Variants in TNXB observed in about 807,000 individuals in gnomAD.
The protein encoded by TNXB is tenascin-X.
A neutral mutation model predicts 340.5 loss-of-function variants in TNXB; 183 were observed. The observed-to-expected ratio is 0.54, with a 90% CI of 0.48 to 0.61. The LOEUF (loss-of-function observed/expected upper bound fraction) is 0.61, where lower values mean the gene tolerates loss of function less well. Ranked by LOEUF, TNXB falls within the 20% of genes least tolerant of loss-of-function variation. The probability of loss-of-function intolerance (pLI) is 0.00; values close to 1 mark genes in which losing one functional copy is unlikely to be tolerated. For synonymous variants in TNXB, 2,121 were observed against 2,314.5 expected, an observed-to-expected ratio of 0.92 and a Z score of 2.40; for missense variants, 4,613 against 5,446.4, an observed-to-expected ratio of 0.85 and a Z score of 4.82.
rs746868657 is a variant in TNXB, at chr6:32,082,110, T to C, written c.3662A>G (p.His1221Arg). Residue 1221 changes from histidine (H) to arginine (R), a missense_variant, in exon 9 of 44, where the codon CAC (histidine) becomes CGC (arginine). His to Arg is a conservative substitution (Grantham distance 29). Transcript: ENST00000644971. This position sits in a 1 kb window ranked among gnomAD's most constrained non-coding sequence, Gnocchi z 5.0. The part of the protein sequence containing the change: ...SFVVSSLDPD[H>R]KYRFTLFGIA... ...TCCAAACAGAGTGAATCTGTACTTG[T>C]GGTCAGGGTCCAGTGAGGAGACAAC... The C allele has an allele frequency of 6.2e-7, 1 of 1,611,216 alleles. No homozygotes were observed. Among genetic ancestry groups the C allele is most frequent in the Non-Finnish European group, 8.5e-7 (1 of 1,178,966 alleles).
Position 32,079,271 on chromosome 6 carries a change from T to G in TNXB, c.4137A>C (p.Thr1379=). ...SPEEPLLGEL[T]VTGSSPDSLS... is the part of the protein sequence containing the mutation. ...GCGAATCAGGGGAGGATCCTGTCAC[T>G]GTCAGCTCCCCCAGGAGCGGCTCCT... The change falls in exon 11 of 44, where the codon ACA becomes ACC. Residue 1379 remains threonine (T), a synonymous_variant. Coordinates refer to ENST00000644971, the MANE Select transcript of TNXB (RefSeq NM_001365276.2). This position sits in a 1 kb window ranked among gnomAD's most constrained non-coding sequence, Gnocchi z 7.1. The G allele has an allele frequency of 6.2e-7, 1 of 1,613,366 alleles. No individual in the cohort carries two copies. Among genetic ancestry groups the G allele is most frequent in the Non-Finnish European group, 8.5e-7 (1 of 1,179,844 alleles).
In TNXB at chr6:32,048,649, C is replaced by A; in HGVS notation, c.9759G>T (p.Ala3253=). Residue 3253 remains alanine (A), a splice_region_variant and synonymous_variant, in exon 29 of 44, where the codon GCG becomes GCT. Transcript: ENST00000644971. The part of the protein sequence containing the change: ...VGPVSTVGIT[A]PLPTPLPVEP... ...CCACCGGCAGTGGTGTGGGCAGGGG[C>A]GCTGAAAAGAGCAGAGCAGGCCCAT... 6.8e-7 allele frequency: 1 copy of A among 1,468,188 alleles called. No individual in the cohort carries two copies. Among genetic ancestry groups the A allele is most frequent in the Non-Finnish European group, 9.1e-7 (1 of 1,103,678 alleles). The allele number at this position is 1,468,188 out of a possible 1,614,324, so 90.9% of individuals were successfully genotyped here.
Position 32,087,134 on chromosome 6 carries a change from C to A in TNXB, c.2780-1016G>T. 2.4e-6 allele frequency: 1 copy of A among 415,508 alleles called. No homozygotes were observed. The highest frequency in any genetic ancestry group is 2.5e-5 in the Admixed American group (1 of 39,930). 25.7% of individuals were successfully genotyped at this position (415,508 alleles called of 1,614,324 possible). A position where few individuals can be genotyped will look rare whatever the true frequency, so the allele number is the denominator to read the frequency against. ...CCCCTGGAGCCCCGGCCAGGTAGGG[C>A]CTGAAGGTAGAAGGGGGCAGTGGGG... On this transcript the variant is annotated intron_variant, in intron 6 of 43. Coordinates refer to ENST00000644971, the MANE Select transcript of TNXB (RefSeq NM_001365276.2). This position sits in a 1 kb window ranked among gnomAD's most constrained non-coding sequence, Gnocchi z 9.0.
At chr6:32,088,664 G>C in intron 6 of TNXB, 121 bp downstream of exon 6, 1 of 1,404,774 alleles carries the variant, frequency 7.1e-7, no homozygotes, top group Non-Finnish European at 9.5e-7. Flanking sequence ...GGTGCCTCGA[G>C]ACTGCCACAC....
At chr6:32,066,051 G>A (rs1237921740) in intron 18 of TNXB, among the ~76,000 whole-genome samples, 1 of 152,092 alleles carries the variant, frequency 6.6e-6, no homozygotes, top group Non-Finnish European at 1.5e-5. Flanking sequence ...TTAAAATACT[G>A]CAGTAGTATA....
chr6:32,108,335 G>T lies in TNXB; in HGVS notation c.-9+846C>A, dbSNP rs1177752661. 6.6e-6 allele frequency among the ~76,000 whole-genome samples: 1 copy of T among 152,138 alleles called. No homozygotes were observed. The highest frequency in any genetic ancestry group is 2.4e-5 in the African/African-American group (1 of 41,430). On this transcript the variant is annotated intron_variant, in intron 1 of 43. Transcript: ENST00000644971. This position sits in a 1 kb window ranked among gnomAD's most constrained non-coding sequence, Gnocchi z 4.8. ...GGGGCCCGCCCTTCCCACCCGGGGC[G>T]TGTCACGTGTACTGGTGGTGGGGGG...
In TNXB at chr6:32,053,613, T is replaced by A. The variant is rs1408093770; in HGVS notation, c.8566A>T (p.Thr2856Ser). ...RLGELTVTDATPDSLSLSWMV... is the reference protein window; with the variant it reads ...RLGELTVTDASPDSLSLSWMV... The stretch of plus-strand genomic sequence containing the variant: ...CAGGACAGGCTGAGGGAGTCAGGGG[T>A]GGCATCTGTCACGGTCAGCTCCCCG... The change falls in exon 25 of 44, where the codon ACC (threonine) becomes TCC (serine). Residue 2856 changes from threonine (T) to serine (S), a missense_variant. This residue lies in a region of TNXB where 4,327 missense variants were observed against 4,859.4 expected (regional missense o/e 0.89). Transcript: ENST00000644971. 1 of 1,613,280 alleles carries A rather than the reference T, an allele frequency of 6.2e-7. No individual in the cohort carries two copies. Among genetic ancestry groups the A allele is most frequent in the African/African-American group, 1.3e-5 (1 of 74,910 alleles).
chr6:32,063,993 T>C (rs566184270), intron 19 of TNXB, among the ~76,000 whole-genome samples: 3 of 152,282 alleles, frequency 2.0e-5, no homozygotes, highest in South Asian at 4.1e-4. Flanking sequence ...AGAGAACACA[T>C]ACAATTTTTC....
rs34629684 is a variant in TNXB, at chr6:32,050,262, T to TG, written c.9174dup (p.Ile3059HisfsTer30). The TG allele has an allele frequency of 2.5e-6, 4 of 1,613,250 alleles. No individual in the cohort carries two copies. The highest frequency in any genetic ancestry group is 3.4e-6 in the Non-Finnish European group (4 of 1,179,824). On this transcript the variant is annotated frameshift_variant, in exon 27 of 44. Transcript: ENST00000644971. LOFTEE classifies it high-confidence loss of function. ...GTCAGCTCCCCCAGGCGAGGCTTGATGGGGGGCTCAGGGGTCATGGTAGGC... is the reference window on the plus strand; with the variant it reads ...GTCAGCTCCCCCAGGCGAGGCTTGATGGGGGGGCTCAGGGGTCATGGTAGGC...
chr6:32,066,082 T>C (rs1395247559), intron 18 of TNXB, among the ~76,000 whole-genome samples: 2 of 152,180 alleles, frequency 1.3e-5, no homozygotes, highest in Admixed American at 1.3e-4. Flanking sequence ...GCAATACTGT[T>C]TGGCAATAAA....
Position 32,049,562 on chromosome 6 carries a change from T to A in TNXB, c.9465A>T (p.Glu3155Asp), listed in dbSNP as rs1248855020. Residue 3155 changes from glutamate to aspartate, a missense_variant, in exon 28 of 44, where the codon GAA becomes GAT. By Grantham distance (45) the Glu-to-Asp change is conservative. Around this residue, in one of 7 missense-constraint regions of TNXB, gnomAD observed 4,327 missense variants for 4,859.4 expected, o/e 0.89. Transcript: ENST00000644971. This position sits in a 1 kb window ranked among gnomAD's most constrained non-coding sequence, Gnocchi z 4.5. ...GGGCCTCCGGGGCCTCAGTGCTGGG[T>A]TCTGTGGGGCTGGGGGTCTCTTCCT... ...VTEEETPSPT[E>D]PSTEAPEAPE... The A allele has an allele frequency of 6.2e-7, 1 of 1,611,648 alleles. No individual in the cohort carries two copies. The highest frequency in any genetic ancestry group is 8.5e-7 in the Non-Finnish European group (1 of 1,179,486).
rs1227852114 is a variant in TNXB, at chr6:32,062,995, C to T, written c.6842-512G>A. Among the ~76,000 whole-genome samples the T allele has an allele frequency of 6.6e-6, 1 of 152,018 alleles. No individual in the cohort carries two copies. The highest frequency in any genetic ancestry group is 1.5e-5 in the Non-Finnish European group (1 of 68,016). ...GCATGAACCCAGGAGGCGGAGCTTG[C>T]GGTGAGCCAAGATCACGCCACTGCA... is the stretch of plus-strand genomic sequence containing the variant. On this transcript the variant is annotated intron_variant, in intron 19 of 43. Coordinates refer to ENST00000644971, the MANE Select transcript of TNXB (RefSeq NM_001365276.2). The surrounding 1 kb of genome is among the most constrained non-coding windows in gnomAD (Gnocchi z 4.3).
At position 32,053,822 on chromosome 6, in the gene TNXB, G is replaced by C. The variant is rs546233179; in HGVS notation, c.8468-111C>G. ...AGAGCAGGACGATGCTGCCCACAGC[G>C]CCTCCAGCACAGCTCTTCATCCTCT... On this transcript the variant is annotated intron_variant, in intron 24 of 43. Transcript: ENST00000644971. 7.0e-4 allele frequency: 875 copies of C among 1,252,456 alleles called. 3 individuals carry two copies. The highest frequency in any genetic ancestry group is 3.5e-3 in the African/African-American group (235 of 67,596). The allele number at this position is 1,252,456 out of a possible 1,614,324, so 77.6% of individuals were successfully genotyped here.
rs1447424282 is a variant in TNXB at position 32,089,275 on chromosome 6, T to C, written c.2463A>G (p.Arg821=). 1 of 1,607,606 alleles carries C rather than the reference T, an allele frequency of 6.2e-7. No individual in the cohort carries two copies. The highest frequency in any genetic ancestry group is 8.5e-7 in the Non-Finnish European group (1 of 1,178,128). ...APGQEYQVTV[R]ALRGTSWGLP... ...GGCCCCAGCTGGTCCCTCGAAGGGC[T>C]CGGACAGTGACCTGGTACTCCTGTC... Residue 821 remains arginine (R), a synonymous_variant, in exon 5 of 44, where the codon CGA becomes CGG. Coordinates refer to ENST00000644971, the MANE Select transcript of TNXB (RefSeq NM_001365276.2). This position sits in a 1 kb window ranked among gnomAD's most constrained non-coding sequence, Gnocchi z 6.2.
In TNXB at chr6:32,089,024, C is replaced by T. The variant is rs200283439; in HGVS notation, c.2540G>A (p.Arg847Gln). Residue 847 changes from arginine to glutamine, a missense_variant, in exon 6 of 44, where the codon CGA becomes CAA. Arg to Gln is a conservative substitution (Grantham distance 43). This residue lies in a region of TNXB where 4,327 missense variants were observed against 4,859.4 expected (regional missense o/e 0.89). Coordinates refer to ENST00000644971, the MANE Select transcript of TNXB (RefSeq NM_001365276.2). The surrounding 1 kb of genome is among the most constrained non-coding windows in gnomAD (Gnocchi z 6.2). ...TTMIDGPQDL[R>Q]VVAVTPTTLE... The stretch of plus-strand genomic sequence containing the variant: ...TGTTGTCGGTGTCACAGCCACCACT[C>T]GGAGGTCCTGGGGCCCATCGATCAC... 1.7e-4 allele frequency: 273 copies of T among 1,610,584 alleles called. 1 individual carries two copies. The highest frequency in any genetic ancestry group is 2.1e-4 in the South Asian group (19 of 90,396).
Position 32,085,919 on chromosome 6 carries a change from C to T in TNXB, c.2979G>A (p.Leu993=), listed in dbSNP as rs1417762588. 1 of 1,608,626 alleles carries T rather than the reference C, an allele frequency of 6.2e-7. No individual in the cohort carries two copies. The change falls in exon 7 of 44, where the codon CTG becomes CTA. Residue 993 remains leucine, a synonymous_variant. Transcript: ENST00000644971. The surrounding 1 kb of genome is among the most constrained non-coding windows in gnomAD (Gnocchi z 6.4). ...AQPDTFAYFQ[L]RMRVPEGPGA... ...CCGGCCCCTCGGGCACCCGCATGCG[C>T]AGTTGGAAGTAGGCAAAGGTGTCAG...
At position 32,082,128 on chromosome 6, in the gene TNXB, G is replaced by A. The variant is rs1779497979; in HGVS notation, c.3644C>T (p.Ser1215Phe). 1.2e-6 allele frequency: 2 copies of A among 1,611,800 alleles called. No individual in the cohort carries two copies. The highest frequency in any genetic ancestry group is 1.7e-6 in the Non-Finnish European group (2 of 1,179,294). The change falls in exon 9 of 44, where the codon TCC (serine) becomes TTC (phenylalanine). Residue 1215 changes from serine to phenylalanine, a missense_variant. Coordinates refer to ENST00000644971, the MANE Select transcript of TNXB (RefSeq NM_001365276.2). The surrounding 1 kb of genome is among the most constrained non-coding windows in gnomAD (Gnocchi z 5.0). ...GTACTTGTGGTCAGGGTCCAGTGAG[G>A]AGACAACAAATGAACGCTCGGGCCC... ...VEGPERSFVV[S>F]SLDPDHKYRF...
At chr6:32,088,701 T>G in intron 6 of TNXB, 84 bp downstream of exon 6, 1 of 1,502,448 alleles carries the variant, frequency 6.7e-7, no homozygotes, top group Non-Finnish European at 8.9e-7. Context: ...CAGAGGAGTC[T>G]GTGAGCCCTG....
Position 32,053,418 on chromosome 6 carries a change from C to G in TNXB, c.8761G>C (p.Val2921Leu). Residue 2921 changes from valine (V) to leucine (L), a missense_variant, in exon 25 of 44, where the codon GTG becomes CTG. Val to Leu is a conservative substitution (Grantham distance 32, BLOSUM62 1). This residue lies in a region of TNXB where 4,327 missense variants were observed against 4,859.4 expected (regional missense o/e 0.89). Coordinates refer to ENST00000644971, the MANE Select transcript of TNXB (RefSeq NM_001365276.2). The part of the protein sequence containing the change: ...NLYGFHGGQR[V>L]GPISVIGVTA... Reference sequence around the variant, plus strand: ...ACCCCAATGACAGAGATGGGGCCCACGCGCTGGCCACCGTGGAAGCCGTAC... The same window carrying G: ...ACCCCAATGACAGAGATGGGGCCCAGGCGCTGGCCACCGTGGAAGCCGTAC... 1 of 1,612,888 alleles carries G rather than the reference C, an allele frequency of 6.2e-7. No individual in the cohort carries two copies. Among genetic ancestry groups the G allele is most frequent in the South Asian group, 1.1e-5 (1 of 91,064 alleles).
Sources: gnomAD v4.1 joint callset for allele counts (sites outside exome capture counted in the v4.1 genomes callset) on GRCh38, gnomAD v4.1.1 for gene constraint, gnomAD v4.1.1 regional missense constraint, Gnocchi (gnomAD v3.1) non-coding constraint, MANE v1.5 for transcripts, NCBI Gene and HGNC (gene_info 2026-07-23, HGNC 2026-07-21) for gene names.